CDYL: variants seen among roughly 807,000 people sequenced by gnomAD.
The protein encoded by CDYL is chromodomain Y like, also known as chromodomain Y-like protein.
CDYL carries 8 observed loss-of-function variants against 47.3 expected under a neutral mutation model. The observed-to-expected ratio is 0.17, with a 90% CI of 0.10 to 0.31. The LOEUF is 0.31. Among genes scored for constraint, CDYL ranks in the 10% least tolerant of loss-of-function variants. The pLI, the probability that CDYL is intolerant of heterozygous loss-of-function variation, is 1.00. For synonymous variants in CDYL, 266 were observed against 265.0 expected, an observed-to-expected ratio of 1.00 and a Z score of -0.04; for missense variants, 471 against 701.4, an observed-to-expected ratio of 0.67 and a Z score of 3.71.
intron 5 of CDYL, 118 bp from the exon 6 acceptor site, chr6:4,952,148 A>G (rs548472910): frequency 1.6e-6 from 2 of 1,224,474 alleles, no homozygotes; most frequent in South Asian, 1.5e-5. Context: ...GATGTGCCCC[A>G]TTTCCCTGCG....
intron 2 of CDYL, among the ~76,000 whole-genome samples, chr6:4,911,889 T>C (rs552530408): frequency 6.6e-6 from 1 of 152,224 alleles, no homozygotes; most frequent in East Asian, 1.9e-4. Context: ...TCAAAGAAAA[T>C]GCAGGAGACC....
intron 1 of CDYL, among the ~76,000 whole-genome samples, chr6:4,777,027 G>GC: frequency 6.7e-6 from 1 of 149,620 alleles, no homozygotes; most frequent in East Asian, 2.0e-4. Flanking sequence ...GTGGGGTGGG[G>GC]GGGGGGGTCC....
At chr6:4,952,658 A>G (rs1223163314) in intron 6 of CDYL, among the ~76,000 whole-genome samples, 1 of 152,182 alleles carries the variant, frequency 6.6e-6, no homozygotes, top group Non-Finnish European at 1.5e-5. Context: ...CAAATGTCCT[A>G]TGAAAGTCAA....
At chr6:4,797,494 G>A (rs1427311616) in intron 1 of CDYL, among the ~76,000 whole-genome samples, 2 of 149,194 alleles carry the variant, frequency 1.3e-5, no homozygotes, top group Non-Finnish European at 3.0e-5. Flanking sequence ...GTAGTTCACT[G>A]GTTTTTAGTG....
chr6:4,759,030 C>T (rs1443336027), intron 3 of CDYL, among the ~76,000 whole-genome samples: 2 of 148,322 alleles, frequency 1.3e-5, no homozygotes, highest in Non-Finnish European at 3.0e-5. Flanking sequence ...TGCAGTGGCA[C>T]GATCTCGGCT....
intron 2 of CDYL, among the ~76,000 whole-genome samples, chr6:4,923,832 CG>C (rs1442302278): frequency 6.9e-6 from 1 of 144,652 alleles, no homozygotes; most frequent in African/African-American, 2.6e-5. Context: ...ACCCGGGAGG[CG>C]GAGCTTGCAG....
At position 4,913,894 on chromosome 6, in the gene CDYL, G is replaced by C. The variant is rs145400463; in HGVS notation, c.691+21515G>C. Among the ~76,000 whole-genome samples the C allele has an allele frequency of 3.9e-5, 6 of 152,376 alleles. No homozygotes were observed. In the South Asian group the frequency reaches 1.2e-3, roughly 32 times the overall value. On this transcript the variant is annotated intron_variant, in intron 2 of 6. Coordinates refer to ENST00000397588, the MANE Select transcript of CDYL (RefSeq NM_004824.4). ...TTGGCCAGGAGCCCTTGTTGGCGGA[G>C]CCCGGGTCTAGCCTGTTGGCCACCC...
intron 2 of CDYL, among the ~76,000 whole-genome samples, chr6:4,716,697 A>G (rs1355211572): frequency 1.3e-5 from 2 of 151,894 alleles, no homozygotes; most frequent in African/African-American, 4.8e-5. Flanking sequence ...CTAAGAAATA[A>G]CAGGCAAGTC....
At chr6:4,907,754 A>G (rs1373828873) in intron 2 of CDYL, among the ~76,000 whole-genome samples, 1 of 152,166 alleles carries the variant, frequency 6.6e-6, no homozygotes, top group Non-Finnish European at 1.5e-5. Context: ...AGTTTTTGTT[A>G]CTGTATTTAT....
chr6:4,793,995 T>TA (rs1759001505), intron 1 of CDYL, among the ~76,000 whole-genome samples: 1 of 152,112 alleles, frequency 6.6e-6, no homozygotes, highest in Admixed American at 6.6e-5. Context: ...TTTAGACATC[T>TA]AGTGGGAGCG....
At chr6:4,778,631 T>TA (rs1758531853) in intron 1 of CDYL, among the ~76,000 whole-genome samples, 1 of 152,214 alleles carries the variant, frequency 6.6e-6, no homozygotes, top group African/African-American at 2.4e-5. Context: ...AAATAAATGA[T>TA]ACACCTGCAC....
chr6:4,883,199 C>T (rs1232101304), intron 1 of CDYL, among the ~76,000 whole-genome samples: 4 of 152,074 alleles, frequency 2.6e-5, no homozygotes, highest in Non-Finnish European at 5.9e-5. Context: ...AGCAACAATG[C>T]TAGTACCTAG....
chr6:4,780,904 C>T (rs971661402), intron 1 of CDYL, among the ~76,000 whole-genome samples: 3 of 152,110 alleles, frequency 2.0e-5, no homozygotes, highest in Admixed American at 6.5e-5. Context: ...ACTTTGTTCA[C>T]GTGGGACTGA....
intron 1 of CDYL, among the ~76,000 whole-genome samples, chr6:4,805,016 A>G (rs1367038886): frequency 6.6e-6 from 1 of 152,220 alleles, no homozygotes; most frequent in Non-Finnish European, 1.5e-5. Flanking sequence ...GGTGTTAGCT[A>G]GTTTGAATCA....
chr6:4,938,353 C>T (rs1758264579), intron 4 of CDYL, among the ~76,000 whole-genome samples: 1 of 152,090 alleles, frequency 6.6e-6, no homozygotes, highest in African/African-American at 2.4e-5. Context: ...CTCCTTGTCC[C>T]TCACTCCCCT....
intron 2 of CDYL, among the ~76,000 whole-genome samples, chr6:4,902,339 G>A (rs149085352): frequency 0.018 from 2,715 of 151,346 alleles, 72 homozygotes; most frequent in African/African-American, 0.063. Flanking sequence ...CCGGGAGGCA[G>A]AGGTTGCAGT....
At chr6:4,786,164 G>A (rs1203345206) in intron 1 of CDYL, among the ~76,000 whole-genome samples, 1 of 152,178 alleles carries the variant, frequency 6.6e-6, no homozygotes, top group Non-Finnish European at 1.5e-5. Context: ...GAGGTGGGAG[G>A]GAGGAGGAAA....
chr6:4,811,240 T>G (rs1449071192), intron 1 of CDYL, among the ~76,000 whole-genome samples: 1 of 152,228 alleles, frequency 6.6e-6, no homozygotes, highest in Admixed American at 6.5e-5. Context: ...ATGTAAAAAC[T>G]TCCTGAACTA....
chr6:4,906,915 T>C (rs958255498), intron 2 of CDYL, among the ~76,000 whole-genome samples: 3 of 152,248 alleles, frequency 2.0e-5, no homozygotes, highest in Non-Finnish European at 4.4e-5. Flanking sequence ...TTGTGTTCTA[T>C]TAATCACTGT....
Sources: allele counts gnomAD v4.1 joint callset (sites outside exome capture counted in the v4.1 genomes callset), GRCh38; gene constraint gnomAD v4.1.1; transcripts MANE v1.5; gene names NCBI Gene and HGNC (gene_info 2026-07-23, HGNC 2026-07-21).